The following TRIM24 variants were observed in gnomAD, a reference collection of about 807,000 sequenced individuals.
TRIM24 encodes tripartite motif containing 24.
In TRIM24, 29 loss-of-function variants were observed where a neutral mutation model predicts 123.9. That is an observed-to-expected ratio of 0.23 (90% CI 0.17 to 0.32). The LOEUF (loss-of-function observed/expected upper bound fraction) is 0.32. Ranked by LOEUF, TRIM24 falls within the 10% of genes least tolerant of loss-of-function variation. The pLI, the probability that TRIM24 is intolerant of heterozygous loss-of-function variation, is 1.00. For synonymous variants in TRIM24, 456 were observed against 461.1 expected (o/e 0.99, Z 0.14); for missense variants, 932 against 1,295.3 (o/e 0.72, Z 4.31).
At chr7:138,521,971 A>G (rs961585790) in intron 4 of TRIM24, among the ~76,000 whole-genome samples, 2 of 152,178 alleles carry the variant, frequency 1.3e-5, no homozygotes, top group Admixed American at 6.5e-5. Flanking sequence ...ACTTTATGCA[A>G]TAATTGAAGC....
At chr7:138,490,766 G>T (rs1795763233) in intron 1 of TRIM24, 1 of 496,148 alleles carries the variant, frequency 2.0e-6, no homozygotes, top group South Asian at 1.5e-5. Flanking sequence ...AAATAGATTG[G>T]CAAGCCTTTT....
intron 1 of TRIM24, among the ~76,000 whole-genome samples, chr7:138,484,861 G>A (rs576799079): frequency 1.3e-5 from 2 of 152,166 alleles, no homozygotes; most frequent in Non-Finnish European, 2.9e-5. Context: ...TTCAGTTTTC[G>A]TAAAGGTTTA....
At chr7:138,574,968 A>C (rs1563066081) in intron 12 of TRIM24, among the ~76,000 whole-genome samples, 1 of 152,190 alleles carries the variant, frequency 6.6e-6, no homozygotes, top group Non-Finnish European at 1.5e-5. Context: ...TATTTGCAGT[A>C]GTTAAAATTT....
intron 6 of TRIM24, among the ~76,000 whole-genome samples, chr7:138,535,900 T>A (rs1192053541): frequency 1.3e-5 from 2 of 152,188 alleles, no homozygotes; most frequent in African/African-American, 4.8e-5. Context: ...TATTTCTTGG[T>A]GGCTTTGTTC....
At chr7:138,583,714 G>T in intron 17 of TRIM24, 136 bp from the exon 18 acceptor site, 1 of 649,332 alleles carries the variant, frequency 1.5e-6, no homozygotes. Context: ...CTGTTAAATG[G>T]GTTTCTTTAC....
At chr7:138,464,106 T>A (rs1372433937) in intron 1 of TRIM24, among the ~76,000 whole-genome samples, 1 of 149,604 alleles carries the variant, frequency 6.7e-6, no homozygotes, top group African/African-American at 2.5e-5. Context: ...GCCATTCTCC[T>A]GCCTCAGCCT....
chr7:138,460,683 C>G lies in TRIM24; in HGVS notation c.135C>G (p.Gly45=). ...AGGGCCCGGACTCGGAGCGCGGCGGCGAGGCGGCCCGGCTCAACCTGTTGG... is the reference window on the plus strand; with the variant it reads ...AGGGCCCGGACTCGGAGCGCGGCGGGGAGGCGGCCCGGCTCAACCTGTTGG... The part of the protein sequence containing the change: ...SRQGPDSERG[G]EAARLNLLDT... The change falls in exon 1 of 19, where the codon GGC becomes GGG. Residue 45 remains glycine (G), a synonymous_variant. Transcript: ENST00000343526. 2 of 1,528,842 alleles carry G rather than the reference C, an allele frequency of 1.3e-6. No individual in the cohort carries two copies. Among genetic ancestry groups the G allele is most frequent in the South Asian group, 2.4e-5 (2 of 82,234 alleles). The allele number at this position is 1,528,842 out of a possible 1,614,324, so 94.7% of individuals were successfully genotyped here. A position where few individuals can be genotyped will look rare whatever the true frequency, so the allele number is the denominator to read the frequency against.
chr7:138,469,398 T>A (rs1351037466), intron 1 of TRIM24, among the ~76,000 whole-genome samples: 1 of 150,500 alleles, frequency 6.6e-6, no homozygotes, highest in Non-Finnish European at 1.5e-5. Flanking sequence ...AACCTCCACC[T>A]CCCCGGTTCA....
chr7:138,480,781 A>G (rs1795508903), intron 1 of TRIM24, among the ~76,000 whole-genome samples: 1 of 151,988 alleles, frequency 6.6e-6, no homozygotes, highest in Non-Finnish European at 1.5e-5. Context: ...AACATTTTGT[A>G]TTATCAATCT....
At chr7:138,461,602 T>G (rs1192739217) in intron 1 of TRIM24, among the ~76,000 whole-genome samples, 1 of 152,228 alleles carries the variant, frequency 6.6e-6, no homozygotes, top group Non-Finnish European at 1.5e-5. Context: ...TTTCTGGTAT[T>G]TTATAGATAA....
At chr7:138,504,432 T>C (rs768475643) in intron 2 of TRIM24, 24 bp downstream of exon 2, 2 of 1,149,276 alleles carry the variant, frequency 1.7e-6, no homozygotes, top group South Asian at 1.9e-5. Context: ...ATCTTGAACC[T>C]TTTGCCTGCC....
At chr7:138,550,507 G>A (rs999891356) in intron 7 of TRIM24, among the ~76,000 whole-genome samples, 1 of 152,126 alleles carries the variant, frequency 6.6e-6, no homozygotes, top group African/African-American at 2.4e-5. Flanking sequence ...AGGATTGAGG[G>A]AGAATGAGTA....
chr7:138,509,748 T>A (rs1796247104), intron 2 of TRIM24, among the ~76,000 whole-genome samples: 3 of 148,020 alleles, frequency 2.0e-5, no homozygotes, highest in Admixed American at 1.3e-4. Flanking sequence ...AAAAGAATTA[T>A]AGACTAGATA....
At chr7:138,573,452 G>C in intron 11 of TRIM24, 55 bp from the exon 12 acceptor site, 1 of 1,452,768 alleles carries the variant, frequency 6.9e-7, no homozygotes, top group Non-Finnish European at 9.2e-7. Context: ...AAATTTAAAA[G>C]TAGCTTTTAA....
chr7:138,560,856 A>G (rs1034838293), intron 9 of TRIM24, among the ~76,000 whole-genome samples: 7 of 152,046 alleles, frequency 4.6e-5, no homozygotes, highest in African/African-American at 1.4e-4. Context: ...TCCTTTTTAC[A>G]ATGCGGGGTA....
At chr7:138,508,676 T>TCTGTGC (rs1796202998) in intron 2 of TRIM24, among the ~76,000 whole-genome samples, 1 of 55,760 alleles carries the variant, frequency 1.8e-5, no homozygotes, top group African/African-American at 7.7e-5. Flanking sequence ...TGTGTGTGTG[T>TCTGTGC]GTGTGTGTGT....
At chr7:138,563,908 T>G in intron 9 of TRIM24, among the ~76,000 whole-genome samples, 1 of 152,234 alleles carries the variant, frequency 6.6e-6, no homozygotes, top group South Asian at 2.1e-4. Context: ...GGGGGTCTGC[T>G]TCTGGAAACT....
rs562190661 is a variant in TRIM24, at chr7:138,585,015, G to A, written c.*64G>A. ...TTTGTTTTCAAAAAAACATTTGTCAGTAATTTAACATCACTACAAAAAGAA... is the reference window on the plus strand; with the variant it reads ...TTTGTTTTCAAAAAAACATTTGTCAATAATTTAACATCACTACAAAAAGAA... On this transcript the variant is annotated 3_prime_UTR_variant, in exon 19 of 19. Coordinates refer to ENST00000343526, the MANE Select transcript of TRIM24 (RefSeq NM_015905.3). 323 of 1,376,916 alleles carry A rather than the reference G, an allele frequency of 2.3e-4. 3 individuals are homozygous for A. In the East Asian group the frequency reaches 7.4e-3, roughly 31 times the overall value. 85.3% of individuals were successfully genotyped at this position (1,376,916 alleles called of 1,614,324 possible).
intron 6 of TRIM24, among the ~76,000 whole-genome samples, chr7:138,531,275 T>C (rs2116590781): frequency 6.6e-6 from 1 of 151,892 alleles, no homozygotes; most frequent in South Asian, 2.1e-4. Context: ...TGTTTACATG[T>C]GTTACATATG....
Sources: gnomAD v4.1 joint callset for allele counts (sites outside exome capture counted in the v4.1 genomes callset) on GRCh38, gnomAD v4.1.1 for gene constraint, MANE v1.5 for transcripts, NCBI Gene and HGNC (gene_info 2026-07-23, HGNC 2026-07-21) for gene names.